CFAP61: variants seen among roughly 807,000 people sequenced by gnomAD.
CFAP61 encodes cilia and flagella associated protein 61, also known as cilia- and flagella-associated protein 61.
In CFAP61, 107 loss-of-function variants were observed where a neutral mutation model predicts 135.6. That is an observed-to-expected ratio of 0.79 (90% CI 0.67 to 0.93). The LOEUF is 0.93. Among genes scored for constraint, CFAP61 ranks in the 40% least tolerant of loss-of-function variants. The pLI, the probability that CFAP61 is intolerant of heterozygous loss-of-function variation, is 0.00. For synonymous variants in CFAP61, 575 were observed against 578.5 expected, an observed-to-expected ratio of 0.99 and a Z score of 0.09; for missense variants, 1,507 against 1,556.2, an observed-to-expected ratio of 0.97 and a Z score of 0.53.
chr20:20,202,465 C>G (rs942808654), intron 17 of CFAP61, among the ~76,000 whole-genome samples: 1 of 152,164 alleles, frequency 6.6e-6, no homozygotes, highest in East Asian at 1.9e-4. Context: ...GATTATTTAT[C>G]GAGACCATAA....
At chr20:20,097,163 G>A (rs924002032) in intron 7 of CFAP61, among the ~76,000 whole-genome samples, 30 of 151,362 alleles carry the variant, frequency 2.0e-4, no homozygotes, top group African/African-American at 7.3e-4. Context: ...CTCTGTTTTA[G>A]GAGATTAAAG....
In CFAP61 at chr20:20,052,579, A is replaced by T. The variant is rs2273056; in HGVS notation, c.-49A>T. On this transcript the variant is annotated 5_prime_UTR_variant, in exon 1 of 27. Coordinates refer to ENST00000245957, the MANE Select transcript of CFAP61 (RefSeq NM_015585.4). ...CAGCGCGTGGAGTGCGGCGTCCTGG[A>T]GCTGCGGATGAGGTGGGTAACGCCG... is the stretch of plus-strand genomic sequence containing the variant. 0.05 allele frequency: 81,112 copies of T among 1,613,814 alleles called. 2,381 individuals are homozygous for T. The highest frequency in any genetic ancestry group is 0.12 in the East Asian group (5,361 of 44,868).
chr20:20,285,669 G>A lies in CFAP61; in HGVS notation c.2797-2940G>A, dbSNP rs60766937. Reference sequence around the variant, plus strand: ...ACAGTGGCTCACGCCTATAAACCTAGCACTTTGGGAGGCCAAGGTAGGTGG... The same window carrying A: ...ACAGTGGCTCACGCCTATAAACCTAACACTTTGGGAGGCCAAGGTAGGTGG... On this transcript the variant is annotated intron_variant, in intron 22 of 26. Transcript: ENST00000245957. Among the ~76,000 whole-genome samples, 821 of 152,168 alleles carry A rather than the reference G, an allele frequency of 5.4e-3. 7 individuals carry two copies. Among genetic ancestry groups the A allele is most frequent in the African/African-American group, 0.018 (764 of 41,506 alleles).
chr20:20,077,110 G>C (rs1474850652), intron 6 of CFAP61, among the ~76,000 whole-genome samples: 1 of 152,180 alleles, frequency 6.6e-6, no homozygotes, highest in East Asian at 1.9e-4. Flanking sequence ...TGCACAGACA[G>C]AGATGAAGAC....
In CFAP61 at chr20:20,070,969, G is replaced by C. The variant is rs1407551020; in HGVS notation, c.259G>C (p.Val87Leu). Residue 87 changes from valine (V) to leucine (L), a missense_variant, in exon 3 of 27, where the codon GTG becomes CTG. Transcript: ENST00000245957. ...NVAKQDDWVS[V>L]FRELDSDIPC... is the part of the protein sequence containing the mutation. The stretch of plus-strand genomic sequence containing the variant: ...TGCCAAGCAGGATGACTGGGTGTCA[G>C]TGTTCCGGGAGCTCGACAGTGACAT... 32 of 1,614,098 alleles carry C rather than the reference G, an allele frequency of 2.0e-5. No homozygotes were observed. Among genetic ancestry groups the C allele is most frequent in the Non-Finnish European group, 2.6e-5 (31 of 1,180,038 alleles).
intron 17 of CFAP61, among the ~76,000 whole-genome samples, chr20:20,203,104 G>A (rs56903708): frequency 2.0e-5 from 3 of 152,118 alleles, no homozygotes; most frequent in African/African-American, 4.8e-5. Context: ...TGGTTTGGAC[G>A]ATCAGTGTCC....
At position 20,159,356 on chromosome 20, in the gene CFAP61, G is replaced by C. The variant is rs770794661; in HGVS notation, c.952-14G>C. On this transcript the variant is annotated splice_polypyrimidine_tract_variant and intron_variant, in intron 9 of 26. Coordinates refer to ENST00000245957, the MANE Select transcript of CFAP61 (RefSeq NM_015585.4). ...TGTCGATTAATTTTCATGTTTTGCT[G>C]TCATCATTTCCAGGGAAATATTGCC... 6.2e-7 allele frequency: 1 copy of C among 1,613,242 alleles called. No homozygotes were observed. The highest frequency in any genetic ancestry group is 8.5e-7 in the Non-Finnish European group (1 of 1,179,292).
chr20:20,091,782 A>G (rs1036304009), intron 7 of CFAP61, among the ~76,000 whole-genome samples: 1 of 152,070 alleles, frequency 6.6e-6, no homozygotes, highest in Non-Finnish European at 1.5e-5. Flanking sequence ...GGTTCAAGCA[A>G]TTCTCCTGCC....
At chr20:20,150,415 C>T (rs913061982) in intron 9 of CFAP61, among the ~76,000 whole-genome samples, 2 of 152,176 alleles carry the variant, frequency 1.3e-5, no homozygotes, top group East Asian at 1.9e-4. Context: ...GGTGCTCTCT[C>T]GAAAGTGCCA....
intron 25 of CFAP61, among the ~76,000 whole-genome samples, chr20:20,299,426 A>G (rs2055895495): frequency 6.6e-6 from 1 of 152,146 alleles, no homozygotes; most frequent in Non-Finnish European, 1.5e-5. Context: ...AGTTGCAAGT[A>G]CTCATCCCAG....
intron 17 of CFAP61, among the ~76,000 whole-genome samples, chr20:20,218,213 G>T (rs1327112592): frequency 6.6e-6 from 1 of 152,116 alleles, no homozygotes; most frequent in African/African-American, 2.4e-5. Flanking sequence ...AGGGACCCAG[G>T]GAGAGGTAAT....
intron 24 of CFAP61, among the ~76,000 whole-genome samples, chr20:20,297,977 C>G (rs567309810): frequency 6.6e-6 from 1 of 152,310 alleles, no homozygotes; most frequent in East Asian, 1.9e-4. Context: ...TTTTAAATAT[C>G]CTTGTAGTCC....
At chr20:20,119,654 T>A (rs1040347880) in intron 8 of CFAP61, among the ~76,000 whole-genome samples, 13 of 152,178 alleles carry the variant, frequency 8.5e-5, no homozygotes, top group African/African-American at 2.9e-4. Context: ...TTTTTTAAAC[T>A]TTTAAGTTCA....
intron 18 of CFAP61, among the ~76,000 whole-genome samples, chr20:20,235,214 G>T (rs953082145): frequency 6.6e-6 from 1 of 152,140 alleles, no homozygotes; most frequent in South Asian, 2.1e-4. Context: ...TATTTAATGG[G>T]ATCATAAACT....
intron 7 of CFAP61, among the ~76,000 whole-genome samples, chr20:20,094,924 G>A (rs1432239470): frequency 6.6e-6 from 1 of 152,194 alleles, no homozygotes; most frequent in Admixed American, 6.5e-5. Context: ...AGGCAATGGT[G>A]TGCTGGAGCC....
intron 1 of CFAP61, 50 bp downstream of exon 1, chr20:20,052,641 G>A: frequency 6.2e-7 from 1 of 1,613,404 alleles, no homozygotes; most frequent in African/African-American, 1.3e-5. Flanking sequence ...GCGGTGCAGG[G>A]CGTCCAGGGC....
chr20:20,288,466 G>A (rs886615369), intron 22 of CFAP61, 143 bp from the exon 23 acceptor site: 4 of 662,838 alleles, frequency 6.0e-6, no homozygotes, highest in African/African-American at 1.8e-5. Flanking sequence ...TCTCTCATAC[G>A]CACACAAACA....
chr20:20,319,575 C>G (rs1309928047), intron 25 of CFAP61, among the ~76,000 whole-genome samples: 2 of 152,210 alleles, frequency 1.3e-5, no homozygotes, highest in Non-Finnish European at 2.9e-5. Context: ...GTAAGACATG[C>G]CTGCTTCCCT....
chr20:20,063,518 A>G (rs2044983137), intron 2 of CFAP61, among the ~76,000 whole-genome samples: 2 of 152,228 alleles, frequency 1.3e-5, no homozygotes, highest in African/African-American at 4.8e-5. Flanking sequence ...CTCAATAAAC[A>G]GAGACAAAAT....
Sources: allele counts gnomAD v4.1 joint callset (sites outside exome capture counted in the v4.1 genomes callset), GRCh38; gene constraint gnomAD v4.1.1; transcripts MANE v1.5; gene names NCBI Gene and HGNC (gene_info 2026-07-23, HGNC 2026-07-21).